CNTN2: variants seen among roughly 807,000 people sequenced by gnomAD.
CNTN2 encodes contactin-2.
Under a neutral mutation model 117.5 loss-of-function variants are expected in CNTN2, and 53 were observed. The observed-to-expected ratio is 0.45, with a 90% confidence interval of 0.36 to 0.57. CNTN2 has a LOEUF of 0.57. Among genes scored for constraint, CNTN2 ranks in the 20% least tolerant of loss-of-function variants. CNTN2 has a pLI of 0.00. For synonymous variants in CNTN2, 530 were observed against 561.7 expected (o/e 0.94, Z 0.80); for missense variants, 1,106 against 1,404.3 (o/e 0.79, Z 3.39).
At chr1:205,072,191 G>T in intron 20 of CNTN2, 58 bp downstream of exon 20, 1 of 1,484,264 alleles carries the variant, frequency 6.7e-7, no homozygotes, top group Non-Finnish European at 9.1e-7. Flanking sequence ...GGGTGCCTCT[G>T]AGATCATTCC....
At position 205,055,045 on chromosome 1, in the gene CNTN2, A is replaced by G. The variant is rs190526409; in HGVS notation, c.70+1790A>G. Among the ~76,000 whole-genome samples, 516 of 151,616 alleles carry G rather than the reference A, an allele frequency of 3.4e-3. 2 individuals are homozygous for G. The highest frequency in any genetic ancestry group is 0.012 in the African/African-American group (476 of 41,308). ...GTTTTTGTTTTTGAGATGGAGTCTT[A>G]CTCTGTTGCCCAGGCTGGAGTGCAG... On this transcript the variant is annotated intron_variant, in intron 2 of 22. Transcript: ENST00000331830.
chr1:205,069,910 C>T lies in CNTN2; in HGVS notation c.2280C>T (p.Thr760=), dbSNP rs767244012. ...GGCAGGGCAGCACTCACTGGCAGAC[C>T]GCCCGGGTGCCTGGCGCCGATGCCC... ...FRRQGSTHWQ[T]ARVPGADAQY... is the part of the protein sequence containing the mutation. Residue 760 remains threonine (T), a synonymous_variant, in exon 18 of 23, where the codon ACC becomes ACT. Transcript: ENST00000331830. 4 of 1,613,846 alleles carry T rather than the reference C, an allele frequency of 2.5e-6. No individual in the cohort carries two copies. The highest frequency in any genetic ancestry group is 4.5e-5 in the East Asian group (2 of 44,878).
At chr1:205,046,297 G>A (rs1223028727) in intron 1 of CNTN2, among the ~76,000 whole-genome samples, 7 of 152,282 alleles carry the variant, frequency 4.6e-5, no homozygotes, top group African/African-American at 1.7e-4. Flanking sequence ...AGGCCCAAAC[G>A]CATCTCAGTG....
In CNTN2 at chr1:205,064,611, T is replaced by G. The variant is rs575199834; in HGVS notation, c.1392-12T>G. 6.2e-6 allele frequency: 10 copies of G among 1,613,842 alleles called. No homozygotes were observed. The highest frequency in any genetic ancestry group is 7.6e-6 in the Non-Finnish European group (9 of 1,179,798). On this transcript the variant is annotated splice_polypyrimidine_tract_variant and intron_variant, in intron 11 of 22. Transcript: ENST00000331830. ...GCCTGAGTTGGCCACATCTGCCTTG[T>G]CCTTGCCACAGAGTGACTGTAACTC...
chr1:205,054,867 C>T (rs2096458561), intron 2 of CNTN2, among the ~76,000 whole-genome samples: 1 of 152,196 alleles, frequency 6.6e-6, no homozygotes, highest in Non-Finnish European at 1.5e-5. Context: ...AACTCCGTTC[C>T]TCTGCAAGGT....
chr1:205,066,022 T>C, intron 14 of CNTN2, 113 bp downstream of exon 14: 1 of 1,304,716 alleles, frequency 7.7e-7, no homozygotes. Context: ...GGGGAAGGGC[T>C]TCCGGCGGAA....
chr1:205,042,960 C>G (rs2096434482), upstream of CNTN2: 1 of 152,156 alleles, frequency 6.6e-6, no homozygotes, highest in African/African-American at 2.4e-5. Context: ...GACAGCGCCC[C>G]GCGGCCTGTC....
At chr1:205,056,325 G>A (rs58182979) in intron 2 of CNTN2, among the ~76,000 whole-genome samples, 2,350 of 152,230 alleles carry the variant, frequency 0.015, 74 homozygotes, top group African/African-American at 0.052. Context: ...GATTCCTACC[G>A]TACACCACCA....
Position 205,067,438 on chromosome 1 carries a change from G to C in CNTN2, c.2125+188G>C, listed in dbSNP as rs1312919434. ...GGCCACTGCATGGACAAACCATCTA[G>C]TCCAAACTCCTCATTTAAAAACTGG... On this transcript the variant is annotated intron_variant, in intron 16 of 22. Transcript: ENST00000331830. 30 of 526,616 alleles carry C rather than the reference G, an allele frequency of 5.7e-5. No homozygotes were observed. The Admixed American group carries it at 8.0e-4, about 14-fold the overall frequency. 32.6% of individuals were successfully genotyped at this position (526,616 alleles called of 1,614,324 possible). A position where few individuals can be genotyped will look rare whatever the true frequency, so the allele number is the denominator to read the frequency against.
chr1:205,049,362 G>A (rs2096448272), intron 1 of CNTN2, among the ~76,000 whole-genome samples: 1 of 148,250 alleles, frequency 6.7e-6, no homozygotes. Context: ...ATCATACACA[G>A]ACACATAGAC....
chr1:205,052,238 T>TC (rs2096454146), intron 1 of CNTN2, among the ~76,000 whole-genome samples: 1 of 152,002 alleles, frequency 6.6e-6, no homozygotes, highest in African/African-American at 2.4e-5. Context: ...CATTCCACAC[T>TC]CCCCTCTGAA....
rs1168168259 is a variant in CNTN2 at position 205,065,134 on chromosome 1, G to A, written c.1567G>A (p.Gly523Ser). The A allele has an allele frequency of 8.1e-6, 13 of 1,613,922 alleles. No individual in the cohort carries two copies. Among genetic ancestry groups the A allele is most frequent in the South Asian group, 2.2e-5 (2 of 91,080 alleles). ...LAPSSADINLGDNLTLQCHAS... is the reference protein window; with the variant it reads ...LAPSSADINLSDNLTLQCHAS... The stretch of plus-strand genomic sequence containing the variant: ...CCCCTCAAGTGCCGACATCAACTTG[G>A]GTGACAACCTGACCCTACAGTGCCA... The change falls in exon 13 of 23, where the codon GGT (glycine) becomes AGT (serine). Residue 523 changes from glycine (G) to serine (S), a missense_variant. Gly to Ser is a moderately conservative substitution (Grantham distance 56). Transcript: ENST00000331830. This position sits in a 1 kb window ranked among gnomAD's most constrained non-coding sequence, Gnocchi z 4.1.
chr1:205,056,944 C>T (rs1653662416), intron 2 of CNTN2, among the ~76,000 whole-genome samples: 1 of 152,204 alleles, frequency 6.6e-6, no homozygotes, highest in Non-Finnish European at 1.5e-5. Flanking sequence ...CACAGACTTG[C>T]TGGGTGACCA....
chr1:205,058,889 C>A lies in CNTN2; in HGVS notation c.488-195C>A. The A allele has an allele frequency of 1.5e-6, 1 of 677,516 alleles. No individual in the cohort carries two copies. Among genetic ancestry groups the A allele is most frequent in the Non-Finnish European group, 2.5e-6 (1 of 403,474 alleles). The allele number at this position is 677,516 out of a possible 1,614,324, so 42.0% of individuals were successfully genotyped here. ...CTGGGTGGCCCCTGAGGGCTGCGAT[C>A]CCTGGCAGACTTAGCGCTCCCTGAG... On this transcript the variant is annotated intron_variant, in intron 5 of 22. Coordinates refer to ENST00000331830, the MANE Select transcript of CNTN2 (RefSeq NM_005076.5). This position sits in a 1 kb window ranked among gnomAD's most constrained non-coding sequence, Gnocchi z 4.3.
At chr1:205,064,976 C>A in intron 12 of CNTN2, 111 bp from the exon 13 acceptor site, 2 of 1,313,810 alleles carry the variant, frequency 1.5e-6, no homozygotes, top group Non-Finnish European at 2.1e-6. Flanking sequence ...TGGGTCACAC[C>A]ACCTCTTCTC....
At chr1:205,045,653 T>C (rs531404132) in intron 1 of CNTN2, among the ~76,000 whole-genome samples, 196 of 152,290 alleles carry the variant, frequency 1.3e-3, no homozygotes, top group African/African-American at 4.3e-3. Context: ...TTTGTATTTT[T>C]GGAGGGATTC....
In CNTN2 at chr1:205,065,802, G is replaced by C; in HGVS notation, c.1709G>C (p.Gly570Ala). The change falls in exon 14 of 23, where the codon GGG becomes GCG. Residue 570 changes from glycine (G) to alanine (A), a missense_variant. Coordinates refer to ENST00000331830, the MANE Select transcript of CNTN2 (RefSeq NM_005076.5). This position sits in a 1 kb window ranked among gnomAD's most constrained non-coding sequence, Gnocchi z 4.1. ...CCCCGTGTGCAGAAGGAGACCATTG[G>C]GGATCTGACCATCCTGAACGCCCAG... ...YRRTNVKETI[G>A]DLTILNAQLR... 1 of 1,494,212 alleles carries C rather than the reference G, an allele frequency of 6.7e-7. No individual in the cohort carries two copies. The highest frequency in any genetic ancestry group is 9.1e-7 in the Non-Finnish European group (1 of 1,094,956). 92.6% of individuals were successfully genotyped at this position (1,494,212 alleles called of 1,614,324 possible).
In CNTN2 at chr1:205,062,545, G is replaced by A. The variant is rs752262787; in HGVS notation, c.1216G>A (p.Ala406Thr). 8.7e-5 allele frequency: 141 copies of A among 1,613,660 alleles called. No homozygotes were observed. The East Asian group carries it at 1.6e-3, about 18-fold the overall frequency. Residue 406 changes from alanine to threonine, a missense_variant, in exon 10 of 23, where the codon GCC becomes ACC. Ala to Thr is a moderately conservative substitution (Grantham distance 58). Transcript: ENST00000331830. Reference protein sequence around the residue: ...VAENKHGTIYASAELAVQALA... With the variant: ...VAENKHGTIYTSAELAVQALA... Reference sequence around the variant, plus strand: ...AGAGAATAAGCACGGTACCATCTACGCCAGCGCCGAGCTAGCCGTGCAAGG... The same window carrying A: ...AGAGAATAAGCACGGTACCATCTACACCAGCGCCGAGCTAGCCGTGCAAGG...
Position 205,059,704 on chromosome 1 carries a change from A to G in CNTN2, c.797+22A>G, listed in dbSNP as rs1558543112. 1 of 1,606,228 alleles carries G rather than the reference A, an allele frequency of 6.2e-7. No homozygotes were observed. The highest frequency in any genetic ancestry group is 2.2e-5 in the East Asian group (1 of 44,782). On this transcript the variant is annotated intron_variant, in intron 7 of 22. Coordinates refer to ENST00000331830, the MANE Select transcript of CNTN2 (RefSeq NM_005076.5). The surrounding 1 kb of genome is among the most constrained non-coding windows in gnomAD (Gnocchi z 5.6). ...GGAAGTGAGTGTGAAGAGGGAGGGG[A>G]AGCAGAGCACGGTCTCTCGGGGGCA...
Sources: gnomAD v4.1 joint callset for allele counts (sites outside exome capture counted in the v4.1 genomes callset) on GRCh38, gnomAD v4.1.1 for gene constraint, Gnocchi (gnomAD v3.1) non-coding constraint, MANE v1.5 for transcripts, NCBI Gene and HGNC (gene_info 2026-07-23, HGNC 2026-07-21) for gene names.